The following TOGARAM1 variants were observed in gnomAD, a reference collection of about 807,000 sequenced individuals.
The protein encoded by TOGARAM1 is TOG array regulator of axonemal microtubules protein 1.
TOGARAM1 carries 100 observed loss-of-function variants against 166.6 expected under a neutral mutation model. The ratio of observed to expected loss-of-function variants is 0.60; its 90% confidence interval spans 0.51 to 0.71. The LOEUF is 0.71. Ranked by LOEUF, TOGARAM1 falls within the 30% of genes least tolerant of loss-of-function variation. The probability of loss-of-function intolerance (pLI) is 0.00; values close to 1 mark genes in which losing one functional copy is unlikely to be tolerated. For synonymous variants in TOGARAM1, 758 were observed against 763.8 expected (o/e 0.99, Z 0.13); for missense variants, 2,029 against 2,102.7 (o/e 0.96, Z 0.69).
chr14:44,995,863 C>A lies in TOGARAM1; in HGVS notation c.2164C>A (p.Arg722=). Residue 722 remains arginine (R), a synonymous_variant, in exon 2 of 20, where the codon CGG becomes AGG. Transcript: ENST00000361462. ...RVSRNLFQNS[R]DFNPDCLPLC... ...ATCAAGAAACTTATTTCAGAATAGT[C>A]GGGATTTTAACCCAGATTGTCTTCC... The A allele has an allele frequency of 1.2e-6, 2 of 1,610,488 alleles. No individual in the cohort carries two copies. Among genetic ancestry groups the A allele is most frequent in the South Asian group, 1.1e-5 (1 of 90,022 alleles).
chr14:45,061,282 T>C (rs1882890466), intron 16 of TOGARAM1, among the ~76,000 whole-genome samples: 1 of 152,258 alleles, frequency 6.6e-6, no homozygotes, highest in African/African-American at 2.4e-5. Context: ...GCTGTGCTTT[T>C]ACAACATGCC....
rs776756376 is a variant in TOGARAM1 at position 45,073,306 on chromosome 14, G to A, written c.5067G>A (p.Thr1689=). The change falls in exon 20 of 20, where the codon ACG becomes ACA. Residue 1689 remains threonine (T), a synonymous_variant. Transcript: ENST00000361462. ...DMTEKLADIV[T]ELYQRKPHAT... is the part of the protein sequence containing the mutation. Reference sequence around the variant, plus strand: ...ATTTTTATGTTTCAGATATTGTTACGGAACTTTATCAAAGGAAGCCGCATG... The same window carrying A: ...ATTTTTATGTTTCAGATATTGTTACAGAACTTTATCAAAGGAAGCCGCATG... 56 of 1,611,492 alleles carry A rather than the reference G, an allele frequency of 3.5e-5. No individual in the cohort carries two copies. The highest frequency in any genetic ancestry group is 4.4e-5 in the South Asian group (4 of 90,484).
At chr14:44,998,285 T>G (rs1224172602) in intron 2 of TOGARAM1, among the ~76,000 whole-genome samples, 1 of 152,212 alleles carries the variant, frequency 6.6e-6, no homozygotes, top group East Asian at 1.9e-4. Context: ...TCTAAACAAC[T>G]GGAAAATAAG....
intron 14 of TOGARAM1, 56 bp downstream of exon 14, chr14:45,046,759 AAAAG>A (rs1882086186): frequency 3.3e-6 from 4 of 1,218,692 alleles, no homozygotes; most frequent in African/African-American, 3.1e-5. Flanking sequence ...TAAAAGTAGG[AAAAG>A]AAAGAAAGTT....
At chr14:45,072,322 G>A (rs1198120639) in intron 19 of TOGARAM1, among the ~76,000 whole-genome samples, 2 of 152,148 alleles carry the variant, frequency 1.3e-5, no homozygotes, top group African/African-American at 4.8e-5. Context: ...GCTGTCTCAG[G>A]CCGGACTGGG....
chr14:45,041,570 A>G lies in TOGARAM1; in HGVS notation c.3813-2116A>G, dbSNP rs139654628. ...CTACCATTACTCTGATACTAAAACCATACAAAGACAGGAAGACTACAGACT... is the reference window on the plus strand; with the variant it reads ...CTACCATTACTCTGATACTAAAACCGTACAAAGACAGGAAGACTACAGACT... On this transcript the variant is annotated intron_variant, in intron 11 of 19. Transcript: ENST00000361462. 7.2e-5 allele frequency among the ~76,000 whole-genome samples: 11 copies of G among 152,366 alleles called. No homozygotes were observed. The South Asian group carries it at 1.2e-3, about 17-fold the overall frequency.
At chr14:44,987,172 C>T (rs1886864765) in intron 1 of TOGARAM1, among the ~76,000 whole-genome samples, 2 of 151,700 alleles carry the variant, frequency 1.3e-5, no homozygotes, top group African/African-American at 4.8e-5. Flanking sequence ...TCGATCTGAC[C>T]TCGTGATCTG....
intron 1 of TOGARAM1, among the ~76,000 whole-genome samples, chr14:44,970,466 T>G (rs539020118): frequency 4.6e-5 from 7 of 152,306 alleles, no homozygotes; most frequent in African/African-American, 1.7e-4. Context: ...AGACTTTCTA[T>G]GCAGACAATC....
chr14:44,981,507 T>G (rs1886531861), intron 1 of TOGARAM1, among the ~76,000 whole-genome samples: 1 of 152,162 alleles, frequency 6.6e-6, no homozygotes, highest in Non-Finnish European at 1.5e-5. Flanking sequence ...TTGGGGAGAA[T>G]GAAAATTGGA....
chr14:44,993,719 T>C (rs1156868129), intron 1 of TOGARAM1, among the ~76,000 whole-genome samples: 1 of 152,230 alleles, frequency 6.6e-6, no homozygotes, highest in Non-Finnish European at 1.5e-5. Context: ...TGCACAATCT[T>C]CTATAGCAAA....
At chr14:44,984,413 A>G (rs1886680909) in intron 1 of TOGARAM1, among the ~76,000 whole-genome samples, 1 of 152,012 alleles carries the variant, frequency 6.6e-6, no homozygotes, top group Non-Finnish European at 1.5e-5. Flanking sequence ...CAAAAATTTT[A>G]AATAAATTTA....
intron 1 of TOGARAM1, among the ~76,000 whole-genome samples, chr14:44,983,120 T>C (rs1886616676): frequency 6.6e-6 from 1 of 152,176 alleles, no homozygotes; most frequent in Non-Finnish European, 1.5e-5. Context: ...TCTGTGTCTT[T>C]ATTATGGTAG....
At chr14:45,036,147 A>G (rs1881425789) in intron 11 of TOGARAM1, among the ~76,000 whole-genome samples, 1 of 150,662 alleles carries the variant, frequency 6.6e-6, no homozygotes, top group Non-Finnish European at 1.5e-5. Flanking sequence ...AAAAAAAAAA[A>G]AAAAAAAAAA....
chr14:45,038,808 TC>T (rs1881572209), intron 11 of TOGARAM1, among the ~76,000 whole-genome samples: 1 of 152,204 alleles, frequency 6.6e-6, no homozygotes, highest in Non-Finnish European at 1.5e-5. Flanking sequence ...CGAATTCTTG[TC>T]CTGAGTCCAA....
Position 44,963,183 on chromosome 14 carries a change from C to T in TOGARAM1, c.762C>T (p.Thr254=). 6.2e-7 allele frequency: 1 copy of T among 1,614,152 alleles called. No homozygotes were observed. Among genetic ancestry groups the T allele is most frequent in the South Asian group, 1.1e-5 (1 of 91,084 alleles). ...TEDLLLGLDL[T]EVIISLARKL... ...ACTTGTTGCTTGGTCTGGATCTCAC[C>T]GAGGTGATAATATCCCTAGCCCGAA... The change falls in exon 1 of 20, where the codon ACC becomes ACT. Residue 254 remains threonine, a synonymous_variant. Coordinates refer to ENST00000361462, the MANE Select transcript of TOGARAM1 (RefSeq NM_001308120.2).
chr14:45,073,211 A>G, intron 19 of TOGARAM1, 85 bp from the exon 20 acceptor site: 1 of 1,253,772 alleles, frequency 8.0e-7, no homozygotes, highest in Non-Finnish European at 1.1e-6. Flanking sequence ...GAAGAAGCTT[A>G]GTATATTTTA....
intron 13 of TOGARAM1, among the ~76,000 whole-genome samples, chr14:45,046,028 A>G (rs138888484): frequency 6.6e-5 from 10 of 152,166 alleles, no homozygotes; most frequent in African/African-American, 2.4e-4. Flanking sequence ...CTATAACTAA[A>G]TGTCAGTTTT....
At chr14:44,971,621 C>G (rs983735215) in intron 1 of TOGARAM1, among the ~76,000 whole-genome samples, 1 of 152,058 alleles carries the variant, frequency 6.6e-6, no homozygotes, top group Admixed American at 6.5e-5. Context: ...TTGTTAGTTT[C>G]CTAGGATGTG....
In TOGARAM1 at chr14:45,028,171, T is replaced by C. The variant is rs780194734; in HGVS notation, c.3505-5T>C. 6.4e-6 allele frequency: 10 copies of C among 1,559,790 alleles called. No homozygotes were observed. In the African/African-American group the frequency reaches 7.0e-5, roughly 11 times the overall value. On this transcript the variant is annotated splice_polypyrimidine_tract_variant and splice_region_variant and intron_variant, in intron 9 of 19. Coordinates refer to ENST00000361462, the MANE Select transcript of TOGARAM1 (RefSeq NM_001308120.2). The stretch of plus-strand genomic sequence containing the variant: ...TATTTTCAGACTTTCAACTTTTTCA[T>C]GCAGGCTAAAGTTTCTATTTCTAAA...
Sources: allele counts gnomAD v4.1 joint callset (sites outside exome capture counted in the v4.1 genomes callset), GRCh38; gene constraint gnomAD v4.1.1; transcripts MANE v1.5; gene names NCBI Gene and HGNC (gene_info 2026-07-23, HGNC 2026-07-21).